Variants in SOX6 observed in about 807,000 individuals in gnomAD.
The protein encoded by SOX6 is SRY-box transcription factor 6.
SOX6 carries 11 observed loss-of-function variants against 97.8 expected under a neutral mutation model. The observed-to-expected ratio is 0.11, with a 90% CI of 0.07 to 0.19. The LOEUF is 0.19. SOX6 is among the 10% of genes least tolerant of loss of function. The pLI is 1.00. For synonymous variants in SOX6, 360 were observed against 371.4 expected (o/e 0.97, Z 0.35); for missense variants, 810 against 1,039.5 (o/e 0.78, Z 3.04).
chr11:16,040,240 T>A, intron 12 of SOX6, among the ~76,000 whole-genome samples: 1 of 152,036 alleles, frequency 6.6e-6, no homozygotes, highest in East Asian at 1.9e-4. Context: ...ACTTGTACAC[T>A]TATATATAAA....
intron 9 of SOX6, among the ~76,000 whole-genome samples, chr11:16,064,789 G>T (rs1363950668): frequency 6.6e-6 from 1 of 151,764 alleles, no homozygotes; most frequent in Non-Finnish European, 1.5e-5. Context: ...AACTGATGCT[G>T]AAAAAGCATT....
intron 9 of SOX6, among the ~76,000 whole-genome samples, chr11:16,068,851 TC>T (rs1848155043): frequency 6.6e-6 from 1 of 152,242 alleles, no homozygotes; most frequent in East Asian, 1.9e-4. Context: ...TTATGGAATT[TC>T]TTTTTTCTTC....
chr11:16,019,071 T>A (rs748183050), intron 12 of SOX6, among the ~76,000 whole-genome samples: 2 of 152,102 alleles, frequency 1.3e-5, no homozygotes, highest in Non-Finnish European at 2.9e-5. Flanking sequence ...TCAAACCATA[T>A]GCGAAGTGAC....
At chr11:16,178,660 T>C (rs1301803894) in intron 6 of SOX6, among the ~76,000 whole-genome samples, 1 of 151,964 alleles carries the variant, frequency 6.6e-6, no homozygotes, top group African/African-American at 2.4e-5. Context: ...CCAATAGAAG[T>C]ATCAAATTAC....
At chr11:15,994,753 G>A (rs921826852) in intron 13 of SOX6, among the ~76,000 whole-genome samples, 13 of 151,956 alleles carry the variant, frequency 8.6e-5, no homozygotes, top group African/African-American at 1.2e-4. Context: ...AAATATTGGC[G>A]CAAAAGGTTC....
At chr11:16,255,207 G>A (rs773358819) in intron 3 of SOX6, among the ~76,000 whole-genome samples, 9 of 152,026 alleles carry the variant, frequency 5.9e-5, no homozygotes, top group Non-Finnish European at 1.3e-4. Context: ...AGTTCAGCAG[G>A]TAGAAAATCA....
intron 3 of SOX6, among the ~76,000 whole-genome samples, chr11:16,270,514 A>C (rs908384218): frequency 6.6e-6 from 1 of 151,344 alleles, no homozygotes; most frequent in Non-Finnish European, 1.5e-5. Context: ...TACTCAAAAG[A>C]ATGAAAATAT....
intron 3 of SOX6, among the ~76,000 whole-genome samples, chr11:16,709,389 G>A (rs114699279): frequency 0.018 from 2,742 of 152,188 alleles, 75 homozygotes; most frequent in East Asian, 0.052. Flanking sequence ...ATGGCCACAA[G>A]CACTGGTAGT....
intron 6 of SOX6, among the ~76,000 whole-genome samples, chr11:16,126,898 GT>G (rs930042904): frequency 2.0e-5 from 3 of 152,016 alleles, no homozygotes; most frequent in African/African-American, 4.8e-5. Flanking sequence ...TGTTTTTAAA[GT>G]TCTTTTGTTC....
chr11:16,616,365 C>G (rs1172744629), intron 3 of SOX6, among the ~76,000 whole-genome samples: 1 of 152,018 alleles, frequency 6.6e-6, no homozygotes, highest in Non-Finnish European at 1.5e-5. Flanking sequence ...TATTTGTTAG[C>G]ATTGTGTTTA....
intron 2 of SOX6, among the ~76,000 whole-genome samples, chr11:16,715,654 C>G (rs1359602883): frequency 6.6e-6 from 1 of 151,528 alleles, no homozygotes; most frequent in Non-Finnish European, 1.5e-5. Flanking sequence ...CATTAATTTC[C>G]TCTCTACTCA....
chr11:16,601,549 G>A (rs754640480), intron 4 of SOX6, among the ~76,000 whole-genome samples: 8 of 152,204 alleles, frequency 5.3e-5, no homozygotes, highest in South Asian at 4.1e-4. Flanking sequence ...ACTAACAAGA[G>A]AATGCTTTCA....
rs566200881 is a variant in SOX6 at position 16,043,003 on chromosome 11, CAG to C, written c.1623+3509_1623+3510del. On this transcript the variant is annotated intron_variant, in intron 12 of 15. Transcript: ENST00000683767. ...GTCAGCATTCAAACATCAAGAAGGT[CAG>C]AGAGTTACAGAACATACTTTAACAT... Among the ~76,000 whole-genome samples, 6 of 152,218 alleles carry C rather than the reference CAG, an allele frequency of 3.9e-5. No homozygotes were observed. In the South Asian group the frequency reaches 1.2e-3, roughly 32 times the overall value.
intron 4 of SOX6, among the ~76,000 whole-genome samples, chr11:16,569,875 A>AAAAAAAAAAAAAAAAAAAAAAG (rs1847919000): frequency 6.6e-6 from 1 of 151,306 alleles, no homozygotes. Context: ...TCTCAAAAAA[A>AAAAAAAAAAAAAAAAAAAAAAG]AAAAAAAAAA....
chr11:16,438,882 T>G (rs1267106408), intron 1 of SOX6, among the ~76,000 whole-genome samples: 1 of 152,138 alleles, frequency 6.6e-6, no homozygotes, highest in African/African-American at 2.4e-5. Flanking sequence ...GCTCCTACCC[T>G]TTAAATGCCA....
intron 3 of SOX6, among the ~76,000 whole-genome samples, chr11:16,241,411 C>T (rs1853191110): frequency 6.6e-6 from 1 of 152,040 alleles, no homozygotes; most frequent in African/African-American, 2.4e-5. Flanking sequence ...TATTACTCAT[C>T]GTGACATCTT....
chr11:16,256,596 T>A (rs1853695222), intron 3 of SOX6, among the ~76,000 whole-genome samples: 1 of 151,934 alleles, frequency 6.6e-6, no homozygotes, highest in African/African-American at 2.4e-5. Flanking sequence ...TGAGCTAACA[T>A]CACATGTAAT....
At chr11:16,286,749 A>T (rs1248445537) in intron 3 of SOX6, among the ~76,000 whole-genome samples, 1 of 152,166 alleles carries the variant, frequency 6.6e-6, no homozygotes, top group Non-Finnish European at 1.5e-5. Context: ...CATATAAGGA[A>T]TATAAATTTA....
chr11:16,129,865 G>A (rs1455106), intron 6 of SOX6, among the ~76,000 whole-genome samples: 47,036 of 151,832 alleles, frequency 0.31, 8,768 homozygotes, highest in Non-Finnish European at 0.41. Context: ...AATAGTGAAA[G>A]GATCCTTGCT....
Sources: gnomAD v4.1 joint callset for allele counts (sites outside exome capture counted in the v4.1 genomes callset) on GRCh38, gnomAD v4.1.1 for gene constraint, MANE v1.5 for transcripts, NCBI Gene and HGNC (gene_info 2026-07-23, HGNC 2026-07-21) for gene names.